CPED1: variants seen among roughly 807,000 people sequenced by gnomAD.
CPED1 encodes cadherin-like and PC-esterase domain-containing protein 1.
A neutral mutation model predicts 128.2 loss-of-function variants in CPED1; 114 were observed. The observed-to-expected ratio is 0.89, with a 90% CI of 0.76 to 1.04. CPED1 has a LOEUF of 1.04. Ranked by LOEUF, CPED1 falls within the 50% of genes least tolerant of loss-of-function variation. The pLI, the probability that CPED1 is intolerant of heterozygous loss-of-function variation, is 0.00. For missense variants in CPED1, 1,211 were observed against 1,207.1 expected, an observed-to-expected ratio of 1.00 and a Z score of -0.05; for synonymous variants, 462 against 426.7, an observed-to-expected ratio of 1.08 and a Z score of -1.02.
chr7:121,087,811 C>T (rs1179182542), intron 5 of CPED1, among the ~76,000 whole-genome samples: 1 of 151,958 alleles, frequency 6.6e-6, no homozygotes, highest in Non-Finnish European at 1.5e-5. Flanking sequence ...AGACGCCCAC[C>T]ACCATGCCTG....
At chr7:121,138,021 T>G (rs1795821794) in intron 14 of CPED1, among the ~76,000 whole-genome samples, 1 of 151,954 alleles carries the variant, frequency 6.6e-6, no homozygotes, top group Non-Finnish European at 1.5e-5. Flanking sequence ...ATAGGCACTT[T>G]AACTTCGTTC....
chr7:121,186,922 T>C (rs971883094), intron 16 of CPED1, among the ~76,000 whole-genome samples: 2 of 152,176 alleles, frequency 1.3e-5, no homozygotes, highest in East Asian at 1.9e-4. Context: ...TGCACATTAG[T>C]GTGGTCTACT....
intron 5 of CPED1, among the ~76,000 whole-genome samples, chr7:121,073,983 C>T (rs1794058676): frequency 6.6e-6 from 1 of 152,092 alleles, no homozygotes; most frequent in African/African-American, 2.4e-5. Flanking sequence ...GTGGCATCTT[C>T]AGTGGTGTAA....
rs886482674 is a variant in CPED1 at position 121,049,921 on chromosome 7, C to G, written c.540+2928C>G. On this transcript the variant is annotated intron_variant, in intron 4 of 22. Transcript: ENST00000310396. ...CATCTATAGGTTAAAGCCAAGGATG[C>G]TGCTAAATATTGTATAATGCCCACA... Among the ~76,000 whole-genome samples, 29 of 152,300 alleles carry G rather than the reference C, an allele frequency of 1.9e-4. 2 individuals carry two copies. The highest frequency in any genetic ancestry group is 2.4e-5 in the African/African-American group (1 of 41,558).
intron 16 of CPED1, 147 bp downstream of exon 16, chr7:121,142,288 C>A (rs1194565981): frequency 1.4e-6 from 1 of 706,532 alleles, no homozygotes; most frequent in Non-Finnish European, 2.3e-6. Flanking sequence ...GAATCCCAGC[C>A]AGGTATCTAA....
At chr7:121,185,633 T>A (rs1308653501) in intron 16 of CPED1, among the ~76,000 whole-genome samples, 1 of 152,224 alleles carries the variant, frequency 6.6e-6, no homozygotes, top group Non-Finnish European at 1.5e-5. Flanking sequence ...ACATGACTGC[T>A]TTCTGCCTTC....
chr7:121,232,170 G>A (rs1198068348), intron 16 of CPED1, among the ~76,000 whole-genome samples: 1 of 152,114 alleles, frequency 6.6e-6, no homozygotes, highest in Non-Finnish European at 1.5e-5. Flanking sequence ...GAGAAAGAGG[G>A]CAAGTTGTCT....
At chr7:121,186,021 T>G (rs967960447) in intron 16 of CPED1, among the ~76,000 whole-genome samples, 1 of 152,180 alleles carries the variant, frequency 6.6e-6, no homozygotes, top group Non-Finnish European at 1.5e-5. Context: ...ATAATACTAT[T>G]ATAATAATTT....
At chr7:121,156,620 T>C (rs1244331264) in intron 16 of CPED1, among the ~76,000 whole-genome samples, 1 of 152,138 alleles carries the variant, frequency 6.6e-6, no homozygotes, top group Non-Finnish European at 1.5e-5. Flanking sequence ...CGTTCATATA[T>C]GTGAGCTAAA....
At chr7:121,021,797 G>A (rs10953923) in intron 3 of CPED1, among the ~76,000 whole-genome samples, 71,288 of 151,712 alleles carry the variant, frequency 0.47, 17,856 homozygotes, top group South Asian at 0.65. Flanking sequence ...CCATAAACGG[G>A]AGATAATATT....
chr7:121,129,313 G>GTATATATATA (rs71530055), intron 11 of CPED1, among the ~76,000 whole-genome samples: 1 of 26,834 alleles, frequency 3.7e-5, no homozygotes, highest in Non-Finnish European at 9.2e-5. Context: ...ATATATATAC[G>GTATATATATA]TATATATATA....
At chr7:121,212,761 T>C (rs1797676531) in intron 16 of CPED1, among the ~76,000 whole-genome samples, 1 of 151,958 alleles carries the variant, frequency 6.6e-6, no homozygotes, top group African/African-American at 2.4e-5. Context: ...ACATGACAAA[T>C]GAGTACTGAT....
intron 10 of CPED1, 123 bp from the exon 11 acceptor site, chr7:121,128,259 A>T (rs934590442): frequency 1.6e-6 from 1 of 621,574 alleles, no homozygotes; most frequent in East Asian, 2.7e-5. Context: ...ATTATTTAAC[A>T]TTAATTAGCT....
At chr7:121,162,597 AAAAT>A (rs998126700) in intron 16 of CPED1, among the ~76,000 whole-genome samples, 12 of 152,236 alleles carry the variant, frequency 7.9e-5, no homozygotes, top group African/African-American at 2.9e-4. Context: ...TTTGTTTTTT[AAAAT>A]AAAGAGGATT....
chr7:121,043,065 G>A (rs971714030), intron 3 of CPED1, among the ~76,000 whole-genome samples: 2 of 149,612 alleles, frequency 1.3e-5, no homozygotes, highest in Non-Finnish European at 2.9e-5. Context: ...CATAAACAAT[G>A]AGCATTTACT....
chr7:121,181,079 A>G (rs1421586501), intron 16 of CPED1, among the ~76,000 whole-genome samples: 3 of 152,150 alleles, frequency 2.0e-5, no homozygotes, highest in Admixed American at 6.6e-5. Flanking sequence ...ACTGTACTCA[A>G]GGAAACTGTA....
rs1792145830 is a variant in CPED1 at position 121,267,283 on chromosome 7, G to A, written c.2702G>A (p.Gly901Glu). Reference protein sequence around the residue: ...LGIGFHLPVDGVHFLTQSEVQ... With the variant: ...LGIGFHLPVDEVHFLTQSEVQ... The stretch of plus-strand genomic sequence containing the variant: ...ATTGGATTTCATCTGCCAGTGGATG[G>A]AGTACATTTCTTAACACAGGTAAGC... Residue 901 changes from glycine to glutamate, a missense_variant, in exon 21 of 23, where the codon GGA becomes GAA. By Grantham distance (98) the Gly-to-Glu change is moderately conservative. Transcript: ENST00000310396. The A allele has an allele frequency of 1.9e-6, 3 of 1,589,610 alleles. No individual in the cohort carries two copies. Among genetic ancestry groups the A allele is most frequent in the African/African-American group, 1.3e-5 (1 of 74,282 alleles).
At chr7:120,994,442 CAAGT>C (rs1796359075) in intron 2 of CPED1, among the ~76,000 whole-genome samples, 1 of 152,098 alleles carries the variant, frequency 6.6e-6, no homozygotes, top group African/African-American at 2.4e-5. Flanking sequence ...GTGAGACAGA[CAAGT>C]AAATTAACAC....
At chr7:121,165,411 G>A (rs1363137188) in intron 16 of CPED1, among the ~76,000 whole-genome samples, 4 of 152,160 alleles carry the variant, frequency 2.6e-5, no homozygotes, top group African/African-American at 9.6e-5. Flanking sequence ...GAAAATAAAG[G>A]ATCTGTTCAT....
Sources: allele counts gnomAD v4.1 joint callset (sites outside exome capture counted in the v4.1 genomes callset), GRCh38; gene constraint gnomAD v4.1.1; transcripts MANE v1.5; gene names NCBI Gene and HGNC (gene_info 2026-07-23, HGNC 2026-07-21).